The following CADM1 variants were observed in gnomAD, a reference collection of about 807,000 sequenced individuals.
The protein encoded by CADM1 is TSLC-1.
A neutral mutation model predicts 53.1 loss-of-function variants in CADM1; 15 were observed. The observed-to-expected ratio is 0.28, with a 90% CI of 0.19 to 0.44. The LOEUF is 0.44. Among genes scored for constraint, CADM1 ranks in the 20% least tolerant of loss-of-function variants. The pLI is 1.00. For missense variants in CADM1, 434 were observed against 611.3 expected, an observed-to-expected ratio of 0.71 and a Z score of 3.06; for synonymous variants, 281 against 243.0, an observed-to-expected ratio of 1.16 and a Z score of -1.45.
chr11:115,229,368 T>C (rs1468829367), intron 4 of CADM1, 97 bp from the exon 5 acceptor site: 6 of 1,112,164 alleles, frequency 5.4e-6, no homozygotes, highest in Non-Finnish European at 8.2e-6. Context: ...CCAACATTGC[T>C]ATTTTAACAA....
chr11:115,401,993 CA>C (rs946763595), intron 1 of CADM1, among the ~76,000 whole-genome samples: 7 of 150,152 alleles, frequency 4.7e-5, no homozygotes, highest in Middle Eastern at 3.4e-3. Flanking sequence ...AACACCCCCA[CA>C]AAAAAAAACC....
chr11:115,169,507 G>A lies in CADM1; in HGVS notation c.*6967C>T, dbSNP rs1291624915. The A allele has an allele frequency of 6.8e-6, 3 of 443,578 alleles. No individual in the cohort carries two copies. Among genetic ancestry groups the A allele is most frequent in the Non-Finnish European group, 1.4e-5 (3 of 221,550 alleles). The allele number at this position is 443,578 out of a possible 1,614,324, so 27.5% of individuals were successfully genotyped here. On this transcript the variant is annotated 3_prime_UTR_variant, in exon 12 of 12. Transcript: ENST00000331581. ...CAAAAAACCCAAGTAGGACATTTCA[G>A]TTGACAGTAATGGCATTTTCCCTTC...
At chr11:115,186,633 T>C (rs767322886) in intron 10 of CADM1, among the ~76,000 whole-genome samples, 2 of 152,184 alleles carry the variant, frequency 1.3e-5, no homozygotes, top group Non-Finnish European at 2.9e-5. Flanking sequence ...AGTTTCCTCA[T>C]TTATAAATGG....
intron 10 of CADM1, among the ~76,000 whole-genome samples, chr11:115,185,054 T>C (rs1318376848): frequency 6.6e-6 from 1 of 152,234 alleles, no homozygotes; most frequent in African/African-American, 2.4e-5. Context: ...TGAGGCACTC[T>C]GAGCCACTGA....
At position 115,169,702 on chromosome 11, in the gene CADM1, T is replaced by C. The variant is rs1938728677; in HGVS notation, c.*6772A>G. 1 of 449,536 alleles carries C rather than the reference T, an allele frequency of 2.2e-6. No individual in the cohort carries two copies. Among genetic ancestry groups the C allele is most frequent in the Non-Finnish European group, 4.5e-6 (1 of 223,974 alleles). 27.8% of individuals were successfully genotyped at this position (449,536 alleles called of 1,614,324 possible). A position where few individuals can be genotyped will look rare whatever the true frequency, so the allele number is the denominator to read the frequency against. ...TCACTAGCTAACAGAGACTGATTAG[T>C]GCAGAAGATTCCCTTCCATAGCAAT... is the stretch of plus-strand genomic sequence containing the variant. On this transcript the variant is annotated 3_prime_UTR_variant, in exon 12 of 12. Transcript: ENST00000331581.
intron 1 of CADM1, among the ~76,000 whole-genome samples, chr11:115,369,215 A>C (rs994925195): frequency 5.3e-5 from 8 of 152,068 alleles, no homozygotes; most frequent in Non-Finnish European, 7.4e-5. Context: ...TGCCACTAAA[A>C]GAAAGCTAAT....
chr11:115,351,063 T>C (rs1945722298), intron 1 of CADM1, among the ~76,000 whole-genome samples: 1 of 152,192 alleles, frequency 6.6e-6, no homozygotes, highest in Admixed American at 6.5e-5. Flanking sequence ...ACAGTGCCTG[T>C]TAAAATAATT....
intron 1 of CADM1, among the ~76,000 whole-genome samples, chr11:115,243,691 A>C (rs886942822): frequency 6.6e-6 from 1 of 152,228 alleles, no homozygotes; most frequent in Non-Finnish European, 1.5e-5. Context: ...TGACTTGATA[A>C]ATTTCCCCTT....
intron 1 of CADM1, among the ~76,000 whole-genome samples, chr11:115,413,658 T>C (rs1250056546): frequency 2.7e-5 from 4 of 150,306 alleles, no homozygotes; most frequent in Admixed American, 6.6e-5. Flanking sequence ...TTTTTTTTTT[T>C]CTCTGAGACA....
At chr11:115,252,712 G>A (rs1353910171) in intron 1 of CADM1, among the ~76,000 whole-genome samples, 1 of 151,898 alleles carries the variant, frequency 6.6e-6, no homozygotes, top group African/African-American at 2.4e-5. Flanking sequence ...GTGTTAGGCT[G>A]ATAATGCAAT....
In CADM1 at chr11:115,497,855, A is replaced by G. The variant is rs75256733; in HGVS notation, c.124+6416T>C. ...GGCAGGTTTTCACCTGTCCAGGGCC[A>G]TTCGGACCCCTCAAAATCATCTCAT... On this transcript the variant is annotated intron_variant, in intron 1 of 11. Coordinates refer to ENST00000331581, the MANE Select transcript of CADM1 (RefSeq NM_001301043.2). Among the ~76,000 whole-genome samples, 740 of 152,180 alleles carry G rather than the reference A, an allele frequency of 4.9e-3. 3 individuals are homozygous for G. Among genetic ancestry groups the G allele is most frequent in the Non-Finnish European group, 5.8e-3 (397 of 68,012 alleles).
intron 9 of CADM1, among the ~76,000 whole-genome samples, chr11:115,197,866 G>A (rs1043815346): frequency 2.0e-5 from 3 of 152,142 alleles, no homozygotes; most frequent in Non-Finnish European, 4.4e-5. Flanking sequence ...CATATGATTA[G>A]CAACATAATT....
At chr11:115,233,822 T>C (rs536805656) in intron 3 of CADM1, among the ~76,000 whole-genome samples, 2 of 152,172 alleles carry the variant, frequency 1.3e-5, no homozygotes, top group Non-Finnish European at 2.9e-5. Context: ...AATGGAGCAA[T>C]GTAACTGATG....
intron 1 of CADM1, among the ~76,000 whole-genome samples, chr11:115,298,330 T>A (rs1406605515): frequency 6.6e-6 from 1 of 152,210 alleles, no homozygotes; most frequent in South Asian, 2.1e-4. Context: ...CATCATTTCT[T>A]ACTGAATCTC....
At chr11:115,477,584 A>C (rs1447418405) in intron 1 of CADM1, among the ~76,000 whole-genome samples, 1 of 152,256 alleles carries the variant, frequency 6.6e-6, no homozygotes, top group African/African-American at 2.4e-5. Context: ...CTGTATTGAA[A>C]CAGTAAACTT....
At chr11:115,375,022 G>A (rs761324150) in intron 1 of CADM1, among the ~76,000 whole-genome samples, 2 of 152,048 alleles carry the variant, frequency 1.3e-5, no homozygotes, top group Non-Finnish European at 2.9e-5. Context: ...TATTATTGTG[G>A]TTATCTTTTT....
At chr11:115,343,957 A>G (rs1210853725) in intron 1 of CADM1, among the ~76,000 whole-genome samples, 3 of 152,188 alleles carry the variant, frequency 2.0e-5, no homozygotes, top group African/African-American at 7.2e-5. Context: ...AGTCAGTACT[A>G]AAATTTGGTA....
chr11:115,351,484 T>G (rs544593658), intron 1 of CADM1, among the ~76,000 whole-genome samples: 2 of 152,250 alleles, frequency 1.3e-5, no homozygotes, highest in South Asian at 4.2e-4. Flanking sequence ...AAAGAATAAT[T>G]TTTGTATTCT....
intron 1 of CADM1, among the ~76,000 whole-genome samples, chr11:115,291,018 T>C (rs1359067442): frequency 3.9e-5 from 6 of 152,142 alleles, no homozygotes; most frequent in African/African-American, 1.4e-4. Context: ...CTTGTTCCCA[T>C]CTGATTGCCT....
Sources: allele counts gnomAD v4.1 joint callset (sites outside exome capture counted in the v4.1 genomes callset), GRCh38; gene constraint gnomAD v4.1.1; transcripts MANE v1.5; gene names NCBI Gene and HGNC (gene_info 2026-07-23, HGNC 2026-07-21).